The following CUX1 variants were observed in gnomAD, a reference collection of about 807,000 sequenced individuals.
CUX1 encodes protein CASP.
In CUX1, 31 loss-of-function variants were observed where a neutral mutation model predicts 158.8. The ratio of observed to expected loss-of-function variants is 0.20; its 90% CI spans 0.15 to 0.26. The LOEUF is 0.26. Among genes scored for constraint, CUX1 ranks in the 10% least tolerant of loss-of-function variants. The pLI, the probability that CUX1 is intolerant of heterozygous loss-of-function variation, is 1.00. For synonymous variants in CUX1, 879 were observed against 862.1 expected (o/e 1.02, Z -0.34); for missense variants, 1,589 against 2,014.6 (o/e 0.79, Z 4.04).
intron 4 of CUX1, among the ~76,000 whole-genome samples, chr7:102,081,645 T>C (rs561956368): frequency 6.8e-6 from 1 of 146,226 alleles, no homozygotes; most frequent in African/African-American, 2.4e-5. Context: ...TTCTTTTTTG[T>C]TTTTTTTGAG....
intron 2 of CUX1, among the ~76,000 whole-genome samples, chr7:102,009,379 A>G (rs1375184572): frequency 6.6e-6 from 1 of 152,204 alleles, no homozygotes; most frequent in Non-Finnish European, 1.5e-5. Flanking sequence ...CCTAATGTAC[A>G]CACTGAAGAA....
At chr7:102,197,424 A>G in intron 15 of CUX1, 119 bp downstream of exon 15, 3 of 1,260,564 alleles carry the variant, frequency 2.4e-6, no homozygotes, top group Non-Finnish European at 3.3e-6. Context: ...CACATCAGGT[A>G]AAGTTCTCTT....
At chr7:102,115,111 C>A (rs1831304170) in intron 7 of CUX1, 96 bp from the exon 8 acceptor site, 3 of 1,093,882 alleles carry the variant, frequency 2.7e-6, no homozygotes, top group Non-Finnish European at 4.1e-6. Context: ...TCGCTCCTCA[C>A]AGAAATCTTT....
At chr7:102,043,149 C>T (rs577495655) in intron 3 of CUX1, among the ~76,000 whole-genome samples, 74 of 152,138 alleles carry the variant, frequency 4.9e-4, no homozygotes, top group African/African-American at 1.7e-3. Context: ...CGAGGTTTTG[C>T]CACGTTGGCT....
At chr7:102,091,085 C>T (rs560686404) in intron 4 of CUX1, among the ~76,000 whole-genome samples, 1 of 152,268 alleles carries the variant, frequency 6.6e-6, no homozygotes, top group African/African-American at 2.4e-5. Context: ...GCTGTCTTTG[C>T]CCATCAGTAT....
In CUX1 at chr7:102,250,639, A is replaced by G. The variant is rs1801411643; in HGVS notation, c.*1597A>G. Reference sequence around the variant, plus strand: ...ATGCTCTTCAACTTCCAAACCTACCATTTGCCCTTCTTTCATTTCGCCTCT... The same window carrying G: ...ATGCTCTTCAACTTCCAAACCTACCGTTTGCCCTTCTTTCATTTCGCCTCT... On this transcript the variant is annotated 3_prime_UTR_variant, in exon 24 of 24. Coordinates refer to ENST00000292535, the MANE Select transcript of CUX1 (RefSeq NM_181552.4). 4.1e-6 allele frequency: 4 copies of G among 985,122 alleles called. No individual in the cohort carries two copies. The highest frequency in any genetic ancestry group is 9.4e-5 in the South Asian group (2 of 21,292). The allele number at this position is 985,122 out of a possible 1,614,324, so 61.0% of individuals were successfully genotyped here.
intron 3 of CUX1, among the ~76,000 whole-genome samples, chr7:102,035,954 C>G (rs1373727985): frequency 3.3e-5 from 5 of 152,158 alleles, no homozygotes; most frequent in African/African-American, 1.2e-4. Context: ...TCACTGCAAC[C>G]TCCACCTCCC....
chr7:102,004,348 C>G (rs1455532091), intron 2 of CUX1, among the ~76,000 whole-genome samples: 1 of 152,174 alleles, frequency 6.6e-6, no homozygotes, highest in Non-Finnish European at 1.5e-5. Flanking sequence ...GTTGCCCTGA[C>G]CTGGTGGTGG....
At chr7:101,817,596 C>T (rs1562878610), upstream of CUX1, 2 of 1,532,968 alleles carry the variant, frequency 1.3e-6, no homozygotes, top group South Asian at 1.2e-5. The surrounding 1 kb of genome is among the most constrained non-coding windows in gnomAD (Gnocchi z 4.1). Flanking sequence ...CGTGCCAGCT[C>T]GGCGCCCGCG....
chr7:102,072,522 G>T, intron 4 of CUX1, among the ~76,000 whole-genome samples: 1 of 152,278 alleles, frequency 6.6e-6, no homozygotes, highest in East Asian at 1.9e-4. Context: ...ACAAAGTTAC[G>T]CTTCTCTGCA....
intron 3 of CUX1, among the ~76,000 whole-genome samples, chr7:102,037,844 C>T (rs1254347241): frequency 6.6e-6 from 1 of 151,704 alleles, no homozygotes; most frequent in African/African-American, 2.4e-5. Context: ...CACTTGATGT[C>T]AGGAGTTTGA....
rs1379227055 is a variant in CUX1 at position 102,132,328 on chromosome 7, C to CACGCGCACG, written c.674+17055_674+17056insACGCGCACG. Among the ~76,000 whole-genome samples, 3 of 1,364 alleles carry CACGCGCACG rather than the reference C, an allele frequency of 2.2e-3. No homozygotes were observed. The East Asian group carries it at 0.029, about 13-fold the overall frequency. The allele number at this position is 1,364 out of a possible 152,430, so 0.9% of individuals were successfully genotyped here. On this transcript the variant is annotated intron_variant, in intron 8 of 23. Coordinates refer to ENST00000292535, the MANE Select transcript of CUX1 (RefSeq NM_181552.4). ...GTGTGTGCGCGCGCGCGCGCGCACGCCACGCACACACGCATCTTTACAGAA... is the reference window on the plus strand; with the variant it reads ...GTGTGTGCGCGCGCGCGCGCGCACGCACGCGCACGCACGCACACACGCATCTTTACAGAA...
At chr7:102,206,645 C>A (rs1795974290) in intron 20 of CUX1, among the ~76,000 whole-genome samples, 1 of 152,056 alleles carries the variant, frequency 6.6e-6, no homozygotes. Context: ...GCCTGTAATC[C>A]CAACACTTTG....
intron 15 of CUX1, chr7:102,273,507 C>A (rs1306946715): frequency 1.2e-6 from 2 of 1,603,140 alleles, no homozygotes; most frequent in Non-Finnish European, 1.7e-6. Flanking sequence ...AGCCCACCCC[C>A]CTGCCCCATG....
chr7:101,995,757 G>C (rs887185986), intron 2 of CUX1, among the ~76,000 whole-genome samples: 10 of 152,274 alleles, frequency 6.6e-5, no homozygotes, highest in Non-Finnish European at 8.8e-5. Flanking sequence ...TTGTGTGTAT[G>C]GGGACTTAGC....
At chr7:102,183,461 G>A (rs1793332105) in intron 11 of CUX1, among the ~76,000 whole-genome samples, 1 of 152,154 alleles carries the variant, frequency 6.6e-6, no homozygotes, top group African/African-American at 2.4e-5. Context: ...ACCGTCCAGA[G>A]TCCACAGTAT....
intron 12 of CUX1, among the ~76,000 whole-genome samples, chr7:102,193,634 G>A (rs1358993987): frequency 1.3e-5 from 2 of 152,084 alleles, no homozygotes; most frequent in Non-Finnish European, 2.9e-5. Flanking sequence ...GTGAAACCCC[G>A]TCTCTACTAG....
chr7:101,853,030 A>G (rs1355716917), intron 1 of CUX1, among the ~76,000 whole-genome samples: 1 of 152,160 alleles, frequency 6.6e-6, no homozygotes, highest in Non-Finnish European at 1.5e-5. Context: ...TTAAAAATAT[A>G]TAAACAGTTG....
intron 3 of CUX1, among the ~76,000 whole-genome samples, chr7:102,060,901 C>T (rs967060248): frequency 7.5e-5 from 11 of 147,420 alleles, no homozygotes; most frequent in African/African-American, 2.3e-4. Flanking sequence ...TGTGAACCAC[C>T]GCGCCTGGCC....
Sources: gnomAD v4.1 joint callset for allele counts (sites outside exome capture counted in the v4.1 genomes callset) on GRCh38, gnomAD v4.1.1 for gene constraint, Gnocchi (gnomAD v3.1) non-coding constraint, MANE v1.5 for transcripts, NCBI Gene and HGNC (gene_info 2026-07-23, HGNC 2026-07-21) for gene names.